The following KLHL7 variants were observed in gnomAD, a reference collection of about 807,000 sequenced individuals.
KLHL7 encodes kelch like family member 7.
Under a neutral mutation model 67.4 loss-of-function variants are expected in KLHL7, and 44 were observed. The ratio of observed to expected loss-of-function variants is 0.65; its 90% CI spans 0.51 to 0.84. The LOEUF is 0.84. KLHL7 is among the 40% of genes least tolerant of loss of function. KLHL7 has a pLI of 0.00. For missense variants in KLHL7, 362 were observed against 718.1 expected (o/e 0.50, Z 5.67); for synonymous variants, 252 against 243.3 (o/e 1.04, Z -0.33).
intron 7 of KLHL7, among the ~76,000 whole-genome samples, chr7:23,159,723 G>A (rs1437101520): frequency 6.6e-6 from 1 of 152,082 alleles, no homozygotes; most frequent in African/African-American, 2.4e-5. Flanking sequence ...TAGAGACAGG[G>A]TTTTACCATG....
chr7:23,155,264 C>T (rs1784666354), intron 7 of KLHL7, among the ~76,000 whole-genome samples: 1 of 152,140 alleles, frequency 6.6e-6, no homozygotes, highest in Non-Finnish European at 1.5e-5. Context: ...AGGACACCGG[C>T]AATGGCTATT....
At chr7:23,150,387 A>G (rs139717158) in intron 6 of KLHL7, among the ~76,000 whole-genome samples, 39 of 152,302 alleles carry the variant, frequency 2.6e-4, no homozygotes, top group African/African-American at 7.0e-4. Context: ...CCATGTATAA[A>G]TTACATGTGT....
intron 7 of KLHL7, 42 bp from the exon 8 acceptor site, chr7:23,165,655 AT>A: frequency 3.1e-6 from 5 of 1,608,558 alleles, no homozygotes; most frequent in Non-Finnish European, 4.3e-6. Context: ...TTTCAGTTAT[AT>A]TTTTTTCCTT....
intron 9 of KLHL7, among the ~76,000 whole-genome samples, chr7:23,170,221 A>G (rs987268674): frequency 3.3e-5 from 5 of 152,256 alleles, no homozygotes; most frequent in African/African-American, 1.2e-4. Context: ...TCTCAAAAAC[A>G]AAAACAAAAA....
At chr7:23,149,866 T>C (rs1328783998) in intron 6 of KLHL7, among the ~76,000 whole-genome samples, 1 of 152,228 alleles carries the variant, frequency 6.6e-6, no homozygotes, top group Non-Finnish European at 1.5e-5. Flanking sequence ...ACTCAAACTC[T>C]GAAATGGAAG....
At chr7:23,161,121 A>T (rs575020191) in intron 7 of KLHL7, among the ~76,000 whole-genome samples, 390 of 151,130 alleles carry the variant, frequency 2.6e-3, no homozygotes, top group African/African-American at 6.8e-3. Context: ...GTTATTTTTT[A>T]AAAAAATACA....
At chr7:23,162,030 G>T (rs1351982036) in intron 7 of KLHL7, among the ~76,000 whole-genome samples, 2 of 152,198 alleles carry the variant, frequency 1.3e-5, no homozygotes, top group African/African-American at 4.8e-5. Context: ...TTATAGATGA[G>T]TCTGTTGAGA....
chr7:23,118,696 G>GTTA (rs945293662), intron 1 of KLHL7, among the ~76,000 whole-genome samples: 1 of 152,144 alleles, frequency 6.6e-6, no homozygotes, highest in Non-Finnish European at 1.5e-5. Flanking sequence ...AAATGATTAA[G>GTTA]TTATCTCAGT....
At chr7:23,113,775 G>A (rs539908354) in intron 1 of KLHL7, among the ~76,000 whole-genome samples, 1 of 152,272 alleles carries the variant, frequency 6.6e-6, no homozygotes, top group South Asian at 2.1e-4. Context: ...GTTGTGAGCC[G>A]AGATCGTGCC....
Position 23,140,777 on chromosome 7 carries a change from G to A in KLHL7, c.451G>A (p.Val151Met). 1.2e-6 allele frequency: 2 copies of A among 1,613,406 alleles called. No individual in the cohort carries two copies. The highest frequency in any genetic ancestry group is 1.7e-6 in the Non-Finnish European group (2 of 1,179,588). The change falls in exon 5 of 11, where the codon GTG (valine) becomes ATG (methionine). Residue 151 changes from valine to methionine, a missense_variant. Coordinates refer to ENST00000339077, the MANE Select transcript of KLHL7 (RefSeq NM_001031710.3). ...TTTCTTTCTGTGTTTAGGTATAAGT[G>A]TGCTAGCGGAGTGTCTAGATTGTCC... Reference protein sequence around the residue: ...VDASNCLGISVLAECLDCPEL... With the variant: ...VDASNCLGISMLAECLDCPEL...
chr7:23,154,999 C>A (rs1054461048), intron 7 of KLHL7, among the ~76,000 whole-genome samples: 1 of 152,120 alleles, frequency 6.6e-6, no homozygotes, highest in African/African-American at 2.4e-5. Context: ...AAATATGCCA[C>A]CAGATAGCAA....
intron 8 of KLHL7, among the ~76,000 whole-genome samples, chr7:23,167,118 A>AT (rs1785024677): frequency 6.6e-6 from 1 of 151,576 alleles, no homozygotes; most frequent in Non-Finnish European, 1.5e-5. Flanking sequence ...AACTTCTAAA[A>AT]TTTTTTGTCC....
intron 1 of KLHL7, among the ~76,000 whole-genome samples, chr7:23,118,561 C>T (rs1443098499): frequency 6.6e-6 from 1 of 152,186 alleles, no homozygotes; most frequent in African/African-American, 2.4e-5. Context: ...TCCTCTGCCA[C>T]ACTCTTGTTC....
At chr7:23,133,947 CTCT>C (rs747423721) in intron 4 of KLHL7, among the ~76,000 whole-genome samples, 1 of 152,126 alleles carries the variant, frequency 6.6e-6, no homozygotes, top group Non-Finnish European at 1.5e-5. Flanking sequence ...TCATATCATT[CTCT>C]TGTCTGATTG....
At chr7:23,158,680 C>T (rs1784775506) in intron 7 of KLHL7, among the ~76,000 whole-genome samples, 2 of 152,104 alleles carry the variant, frequency 1.3e-5, no homozygotes, top group African/African-American at 4.8e-5. Context: ...GGGTTGGACA[C>T]CAGCAAGGGA....
chr7:23,145,785 C>G lies in KLHL7; in HGVS notation c.793+1760C>G, dbSNP rs115280384. ...AGACAGAGTCTCCCAGGCTGGAGTA[C>G]AGTGGTAAAATCACAACTCACTACA... On this transcript the variant is annotated intron_variant, in intron 6 of 10. Transcript: ENST00000339077. Among the ~76,000 whole-genome samples the G allele has an allele frequency of 4.1e-3, 618 of 152,314 alleles. 4 individuals are homozygous for G. The highest frequency in any genetic ancestry group is 0.014 in the African/African-American group (583 of 41,568).
At chr7:23,145,649 G>A (rs1251507648) in intron 6 of KLHL7, among the ~76,000 whole-genome samples, 2 of 152,172 alleles carry the variant, frequency 1.3e-5, no homozygotes, top group Non-Finnish European at 2.9e-5. Flanking sequence ...ATTGTCTCAG[G>A]GAACTATAAG....
At chr7:23,131,818 ACT>A (rs542967350) in intron 4 of KLHL7, among the ~76,000 whole-genome samples, 24 of 140,200 alleles carry the variant, frequency 1.7e-4, no homozygotes, top group Non-Finnish European at 3.0e-4. Context: ...CCATCTTTCT[ACT>A]CTCTGTAGAA....
chr7:23,124,190 C>CAAAAAAAAAAAAA (rs149801497), intron 2 of KLHL7, among the ~76,000 whole-genome samples: 1 of 25,872 alleles, frequency 3.9e-5, no homozygotes, highest in African/African-American at 1.6e-4. Context: ...GACTCTGTCT[C>CAAAAAAAAAAAAA]AAAAAAAAAA....
Sources: allele counts gnomAD v4.1 joint callset (sites outside exome capture counted in the v4.1 genomes callset), GRCh38; gene constraint gnomAD v4.1.1; transcripts MANE v1.5; gene names NCBI Gene and HGNC (gene_info 2026-07-23, HGNC 2026-07-21).